RARB: variants seen among roughly 807,000 people sequenced by gnomAD.
RARB encodes HBV-activated protein.
RARB carries 17 observed loss-of-function variants against 51.9 expected under a neutral mutation model. That is an observed-to-expected ratio of 0.33 (90% confidence interval 0.22 to 0.49). RARB has a LOEUF of 0.49. RARB is among the 20% of genes least tolerant of loss of function. The pLI is 0.99. For synonymous variants in RARB, 215 were observed against 195.4 expected, an observed-to-expected ratio of 1.10 and a Z score of -0.84; for missense variants, 369 against 550.8, an observed-to-expected ratio of 0.67 and a Z score of 3.30.
chr3:25,095,429 G>T (rs1699276561), intron 3 of RARB, among the ~76,000 whole-genome samples: 1 of 152,146 alleles, frequency 6.6e-6, no homozygotes, highest in Non-Finnish European at 1.5e-5. Flanking sequence ...CAGATACTCT[G>T]GAGGGTGAAG....
At chr3:25,328,481 C>T (rs1049479645) in intron 5 of RARB, among the ~76,000 whole-genome samples, 1 of 152,222 alleles carries the variant, frequency 6.6e-6, no homozygotes, top group Non-Finnish European at 1.5e-5. Flanking sequence ...GATCATGCCA[C>T]TGCACTCCAG....
At chr3:25,473,931 A>AAAAAAAAAT (rs1425972724) in intron 2 of RARB, among the ~76,000 whole-genome samples, 2 of 151,590 alleles carry the variant, frequency 1.3e-5, no homozygotes, top group Non-Finnish European at 2.9e-5. Flanking sequence ...GAAAAAAAAA[A>AAAAAAAAAT]AACCTTTATC....
rs1204001432 is a variant in RARB at position 25,046,360 on chromosome 3, G to A, written c.-379-13765G>A. Among the ~76,000 whole-genome samples, 65 of 152,260 alleles carry A rather than the reference G, an allele frequency of 4.3e-4. 1 individual carries two copies. The highest frequency in any genetic ancestry group is 2.9e-5 in the Non-Finnish European group (2 of 68,014). ...TGAGAAACTACAGGTCATTCATAGA[G>A]CAATTTTAAGATCTATTGAAGACTT... On this transcript the variant is annotated intron_variant, in intron 2 of 11. Coordinates refer to the RARB transcript ENST00000383772.
intron 5 of RARB, among the ~76,000 whole-genome samples, chr3:25,287,456 T>G (rs1464062831): frequency 6.6e-6 from 1 of 152,140 alleles, no homozygotes; most frequent in Non-Finnish European, 1.5e-5. Flanking sequence ...GGGATGTTGG[T>G]CCCTCAGGCC....
At chr3:25,067,331 C>G (rs1215986769) in intron 3 of RARB, among the ~76,000 whole-genome samples, 2 of 152,024 alleles carry the variant, frequency 1.3e-5, no homozygotes, top group Non-Finnish European at 2.9e-5. Context: ...TGAAAAGAAG[C>G]AGAGAAGTAC....
At chr3:25,271,502 C>T (rs758775396) in intron 5 of RARB, among the ~76,000 whole-genome samples, 5 of 152,142 alleles carry the variant, frequency 3.3e-5, no homozygotes, top group South Asian at 2.1e-4. Context: ...GTGCTTTCTG[C>T]GTTTCTGGGA....
In RARB at chr3:25,432,167, G is replaced by A. The variant is rs549675381; in HGVS notation, c.157+3279G>A. Among the ~76,000 whole-genome samples the A allele has an allele frequency of 9.2e-5, 14 of 152,150 alleles. No individual in the cohort carries two copies. In the South Asian group the frequency reaches 1.5e-3, roughly 16 times the overall value. On this transcript the variant is annotated intron_variant, in intron 1 of 7. Coordinates refer to ENST00000330688, the MANE Select transcript of RARB (RefSeq NM_000965.5). ...GTACAGGCAGGGTTGTGGGTTGTTC[G>A]AAAACAAGTGAAAGATTCACAAAGT...
At chr3:24,887,850 A>G (rs1178083498) in intron 2 of RARB, among the ~76,000 whole-genome samples, 1 of 152,202 alleles carries the variant, frequency 6.6e-6, no homozygotes, top group Non-Finnish European at 1.5e-5. Flanking sequence ...CTGTGATGTC[A>G]GCACTCTTGG....
At chr3:25,442,282 C>T (rs1225923240) in intron 1 of RARB, among the ~76,000 whole-genome samples, 4 of 151,960 alleles carry the variant, frequency 2.6e-5, no homozygotes, top group Admixed American at 1.3e-4. Flanking sequence ...ATTACAGGAG[C>T]GCGCTACCAC....
At chr3:25,213,825 A>G (rs1473082937) in intron 5 of RARB, among the ~76,000 whole-genome samples, 1 of 152,244 alleles carries the variant, frequency 6.6e-6, no homozygotes, top group African/African-American at 2.4e-5. Flanking sequence ...ACCTTCCATA[A>G]TGTAATGATT....
At chr3:25,516,833 G>T (rs1220327194) in intron 3 of RARB, among the ~76,000 whole-genome samples, 2 of 152,046 alleles carry the variant, frequency 1.3e-5, no homozygotes, top group African/African-American at 4.8e-5. Context: ...TGCCATGTTG[G>T]CCAGGCTGAT....
At chr3:25,188,051 T>G (rs1406343861) in intron 5 of RARB, among the ~76,000 whole-genome samples, 1 of 152,114 alleles carries the variant, frequency 6.6e-6, no homozygotes, top group Non-Finnish European at 1.5e-5. Flanking sequence ...GATAAACAAG[T>G]TACCGAATTA....
chr3:25,108,849 A>G (rs1306327632), intron 3 of RARB, among the ~76,000 whole-genome samples: 1 of 152,196 alleles, frequency 6.6e-6, no homozygotes, highest in Non-Finnish European at 1.5e-5. Flanking sequence ...CTTGAAAATT[A>G]GTCTCATTGT....
chr3:25,217,496 AC>A lies in RARB; in HGVS notation c.178+42929del, dbSNP rs11341775. ...AGGGGGCATGAAAAGGCCTACTCCC[AC>A]CCCCCCCAATTCTGATCCTTGAAAG... On this transcript the variant is annotated intron_variant, in intron 5 of 11. Transcript: ENST00000383772. Among the ~76,000 whole-genome samples the A allele has an allele frequency of 9.9e-3, 1,496 of 150,866 alleles. 30 individuals are homozygous for A. Among genetic ancestry groups the A allele is most frequent in the African/African-American group, 0.035 (1,429 of 41,066 alleles).
intron 2 of RARB, among the ~76,000 whole-genome samples, chr3:24,936,982 C>T (rs1409123812): frequency 6.6e-6 from 1 of 152,162 alleles, no homozygotes; most frequent in African/African-American, 2.4e-5. Context: ...GATAAGTCTT[C>T]AGTGCCAGTC....
At chr3:25,365,847 G>A (rs771380051) in intron 5 of RARB, among the ~76,000 whole-genome samples, 1 of 152,142 alleles carries the variant, frequency 6.6e-6, no homozygotes, top group African/African-American at 2.4e-5. Context: ...GGTAGAAACA[G>A]CCTAGCTTTT....
intron 3 of RARB, among the ~76,000 whole-genome samples, chr3:25,126,034 C>G (rs1209239168): frequency 1.3e-5 from 2 of 152,130 alleles, no homozygotes; most frequent in African/African-American, 2.4e-5. Context: ...GTTCCATTCT[C>G]AATAGATTCA....
intron 2 of RARB, among the ~76,000 whole-genome samples, chr3:25,497,664 G>A (rs1697111088): frequency 6.6e-6 from 1 of 152,150 alleles, no homozygotes; most frequent in Non-Finnish European, 1.5e-5. Context: ...TGACCATGAG[G>A]AGCTTGCAGC....
At chr3:25,201,038 G>A (rs983999727) in intron 5 of RARB, among the ~76,000 whole-genome samples, 23 of 152,108 alleles carry the variant, frequency 1.5e-4, no homozygotes, top group African/African-American at 5.1e-4. Flanking sequence ...TGGGCAGTAT[G>A]GCCATTTTCA....
Sources: allele counts gnomAD v4.1 joint callset (sites outside exome capture counted in the v4.1 genomes callset), GRCh38; gene constraint gnomAD v4.1.1; transcripts MANE v1.5; gene names NCBI Gene and HGNC (gene_info 2026-07-23, HGNC 2026-07-21).